Variants in ELP1 observed in about 807,000 individuals in gnomAD.
The protein encoded by ELP1 is elongator complex protein 1.
A neutral mutation model predicts 183.2 loss-of-function variants in ELP1; 131 were observed. That is an observed-to-expected ratio of 0.72 (90% CI 0.62 to 0.83). The LOEUF (loss-of-function observed/expected upper bound fraction) is 0.83, where lower values mean the gene tolerates loss of function less well. Ranked by LOEUF, ELP1 falls within the 40% of genes least tolerant of loss-of-function variation. ELP1 has a pLI of 0.00. For synonymous variants in ELP1, 555 were observed against 569.0 expected (o/e 0.98, Z 0.35); for missense variants, 1,550 against 1,594.9 (o/e 0.97, Z 0.48).
intron 29 of ELP1, among the ~76,000 whole-genome samples, chr9:108,883,282 G>A (rs1827999965): frequency 6.6e-6 from 1 of 152,146 alleles, no homozygotes; most frequent in African/African-American, 2.4e-5. Flanking sequence ...TGCCACCTTG[G>A]CCTCCCAAGA....
rs373531898 is a variant in ELP1 at position 108,926,341 on chromosome 9, G to A, written c.466+182C>T. On this transcript the variant is annotated intron_variant, in intron 5 of 36. Coordinates refer to ENST00000374647, the MANE Select transcript of ELP1 (RefSeq NM_003640.5). ...GACCTTAAACCCTCAGACCTGGAGAGGCATCAGTAGGCCTTTTAAGATTTG... is the reference window on the plus strand; with the variant it reads ...GACCTTAAACCCTCAGACCTGGAGAAGCATCAGTAGGCCTTTTAAGATTTG... 2.0e-5 allele frequency among the ~76,000 whole-genome samples: 3 copies of A among 152,262 alleles called. 1 individual carries two copies. Among genetic ancestry groups the A allele is most frequent in the African/African-American group, 7.2e-5 (3 of 41,560 alleles).
At chr9:108,878,170 A>G in intron 34 of ELP1, 21 bp from the exon 35 acceptor site, 1 of 1,595,396 alleles carries the variant, frequency 6.3e-7, no homozygotes, top group Non-Finnish European at 8.6e-7. Flanking sequence ...GAAATTTGAA[A>G]GAGTGGTAAG....
chr9:108,929,735 T>C (rs1204808033), intron 3 of ELP1, 34 bp downstream of exon 3: 1 of 1,605,576 alleles, frequency 6.2e-7, no homozygotes, highest in Non-Finnish European at 8.5e-7. Context: ...TGAGGATGCT[T>C]GAGACTCCCC....
At chr9:108,898,392 A>T (rs966430658) in intron 22 of ELP1, 110 bp downstream of exon 22, 2 of 745,580 alleles carry the variant, frequency 2.7e-6, no homozygotes, top group Non-Finnish European at 2.2e-6. Flanking sequence ...AGCAATTTTT[A>T]AAAATGAACA....
At chr9:108,893,116 T>A in intron 26 of ELP1, 33 bp from the exon 27 acceptor site, 3 of 1,474,550 alleles carry the variant, frequency 2.0e-6, no homozygotes, top group Non-Finnish European at 2.8e-6. Flanking sequence ...AAGACAGGCT[T>A]AAGACATGGG....
intron 27 of ELP1, 37 bp downstream of exon 27, chr9:108,892,949 C>G (rs1828400050): frequency 6.7e-7 from 1 of 1,499,488 alleles, no homozygotes; most frequent in Non-Finnish European, 9.3e-7. Flanking sequence ...AAGCAAAAAG[C>G]AAAACCAGGA....
chr9:108,921,370 T>C (rs796548699), intron 6 of ELP1, among the ~76,000 whole-genome samples: 38 of 152,336 alleles, frequency 2.5e-4, no homozygotes, highest in African/African-American at 8.7e-4. Flanking sequence ...TGTGATCTTT[T>C]ATGACTGGCT....
chr9:108,879,699 T>G (rs1438229744), intron 32 of ELP1, 142 bp from the exon 33 acceptor site: 1 of 715,180 alleles, frequency 1.4e-6, no homozygotes, highest in Non-Finnish European at 2.6e-6. Context: ...GATCTCAAAA[T>G]GAATGAGATA....
intron 7 of ELP1, 118 bp downstream of exon 7, chr9:108,919,135 C>A: frequency 2.6e-6 from 2 of 783,620 alleles, no homozygotes; most frequent in South Asian, 3.0e-5. Flanking sequence ...TAAAGCAGCA[C>A]ATCCTTGCCT....
chr9:108,910,605 G>A (rs1338007773), intron 12 of ELP1, among the ~76,000 whole-genome samples: 1 of 152,106 alleles, frequency 6.6e-6, no homozygotes, highest in African/African-American at 2.4e-5. Flanking sequence ...CAAAACCTCT[G>A]ACACTGTGTT....
chr9:108,881,202 T>A (rs534047258), intron 31 of ELP1, among the ~76,000 whole-genome samples: 3 of 152,236 alleles, frequency 2.0e-5, no homozygotes, highest in Non-Finnish European at 4.4e-5. Context: ...CCCTTTACTT[T>A]GATTTACCAA....
At chr9:108,879,698 A>T in intron 32 of ELP1, 141 bp from the exon 33 acceptor site, 1 of 715,106 alleles carries the variant, frequency 1.4e-6, no homozygotes, top group Admixed American at 2.0e-5. Context: ...TGATCTCAAA[A>T]TGAATGAGAT....
Position 108,931,530 on chromosome 9 carries a change from T to C in ELP1, c.-55-329A>G, listed in dbSNP as rs150072454. Reference sequence around the variant, plus strand: ...AAGAACAAATGAATGGGGAAACATTTTATTTTTGCATATTAGGACATCTTT... The same window carrying C: ...AAGAACAAATGAATGGGGAAACATTCTATTTTTGCATATTAGGACATCTTT... On this transcript the variant is annotated intron_variant, in intron 1 of 36. Transcript: ENST00000374647. 3.5e-3 allele frequency among the ~76,000 whole-genome samples: 538 copies of C among 152,344 alleles called. 2 individuals are homozygous for C. The highest frequency in any genetic ancestry group is 0.012 in the African/African-American group (519 of 41,564).
At chr9:108,903,005 A>G (rs1391247094) in intron 15 of ELP1, 63 bp from the exon 16 acceptor site, 5 of 1,202,502 alleles carry the variant, frequency 4.2e-6, no homozygotes, top group African/African-American at 1.5e-5. Context: ...AACCATCAAC[A>G]TCAACATTTG....
intron 10 of ELP1, among the ~76,000 whole-genome samples, chr9:108,915,033 G>C (rs1482526048): frequency 2.6e-5 from 4 of 152,166 alleles, no homozygotes; most frequent in Non-Finnish European, 5.9e-5. Context: ...TTACGAAGTG[G>C]TAGAACTATG....
intron 36 of ELP1, among the ~76,000 whole-genome samples, chr9:108,872,262 C>T (rs1827484739): frequency 6.6e-6 from 1 of 152,158 alleles, no homozygotes; most frequent in Admixed American, 6.5e-5. Flanking sequence ...AACACTTGAG[C>T]TCACTCACCA....
At chr9:108,875,418 G>A (rs1587868405) in intron 35 of ELP1, among the ~76,000 whole-genome samples, 1 of 152,312 alleles carries the variant, frequency 6.6e-6, no homozygotes, top group Middle Eastern at 3.4e-3. Flanking sequence ...ATGTGCTCCA[G>A]GTAAAACACA....
rs1039887788 is a variant in ELP1 at position 108,918,904 on chromosome 9, G to C, written c.650-3C>G. 6.2e-7 allele frequency: 1 copy of C among 1,612,404 alleles called. No individual in the cohort carries two copies. The highest frequency in any genetic ancestry group is 8.5e-7 in the Non-Finnish European group (1 of 1,178,412). ...CCACACTCTGACCTTCCGAGCCCCT[G>C]TGCGGGAGTGGAGTCAAACACACAT... On this transcript the variant is annotated splice_polypyrimidine_tract_variant and splice_region_variant and intron_variant, in intron 7 of 36. Coordinates refer to ENST00000374647, the MANE Select transcript of ELP1 (RefSeq NM_003640.5).
rs372907186 is a variant in ELP1 at position 108,882,203 on chromosome 9, G to C, written c.3223-16C>G. 17 of 1,610,420 alleles carry C rather than the reference G, an allele frequency of 1.1e-5. No individual in the cohort carries two copies. In the African/African-American group the frequency reaches 1.6e-4, roughly 15 times the overall value. Reference sequence around the variant, plus strand: ...CTTCATAATCCTGACAAGGGAACAGGAAGAAGACAACAAGTGAAGAGAGCA... The same window carrying C: ...CTTCATAATCCTGACAAGGGAACAGCAAGAAGACAACAAGTGAAGAGAGCA... On this transcript the variant is annotated splice_polypyrimidine_tract_variant and intron_variant, in intron 29 of 36. Transcript: ENST00000374647.
Sources: gnomAD v4.1 joint callset for allele counts (sites outside exome capture counted in the v4.1 genomes callset) on GRCh38, gnomAD v4.1.1 for gene constraint, MANE v1.5 for transcripts, NCBI Gene and HGNC (gene_info 2026-07-23, HGNC 2026-07-21) for gene names.